SLC24A3: variants seen among roughly 807,000 people sequenced by gnomAD.
The protein encoded by SLC24A3 is solute carrier family 24 member 3.
In SLC24A3, 28 loss-of-function variants were observed where a neutral mutation model predicts 75.8. The observed-to-expected ratio is 0.37, with a 90% confidence interval of 0.27 to 0.51. The LOEUF is 0.51. SLC24A3 is among the 20% of genes least tolerant of loss of function. The pLI is 0.94. For missense variants in SLC24A3, 663 were observed against 847.8 expected (o/e 0.78, Z 2.71); for synonymous variants, 372 against 334.1 (o/e 1.11, Z -1.24).
intron 1 of SLC24A3, among the ~76,000 whole-genome samples, chr20:19,222,858 G>C (rs1227793011): frequency 9.8e-6 from 1 of 102,436 alleles, no homozygotes; most frequent in African/African-American, 3.7e-5. Context: ...TTTAACTACT[G>C]TACACATGAA....
chr20:19,364,888 A>ATCT (rs1408762912), intron 2 of SLC24A3, among the ~76,000 whole-genome samples: 1 of 152,166 alleles, frequency 6.6e-6, no homozygotes, highest in African/African-American at 2.4e-5. Flanking sequence ...CTACCAGAAA[A>ATCT]GTAGGCACGG....
chr20:19,437,002 C>A (rs899299301), intron 2 of SLC24A3, among the ~76,000 whole-genome samples: 3 of 152,118 alleles, frequency 2.0e-5, no homozygotes, highest in Admixed American at 2.0e-4. Flanking sequence ...AAAGACAGAA[C>A]GGATAAATGA....
chr20:19,400,801 G>C (rs1986538262), intron 2 of SLC24A3, among the ~76,000 whole-genome samples: 1 of 152,206 alleles, frequency 6.6e-6, no homozygotes, highest in Non-Finnish European at 1.5e-5. Flanking sequence ...TAGGGCTCAT[G>C]CCATTCATTT....
chr20:19,391,769 C>T (rs1600461256), intron 2 of SLC24A3, among the ~76,000 whole-genome samples: 1 of 152,272 alleles, frequency 6.6e-6, no homozygotes, highest in African/African-American at 2.4e-5. Context: ...TACACAGCCT[C>T]TATGTCTGGA....
In SLC24A3 at chr20:19,584,995, G is replaced by A; in HGVS notation, c.448G>A (p.Ala150Thr). The change falls in exon 5 of 17, where the codon GCT (alanine) becomes ACT (threonine). Residue 150 changes from alanine (A) to threonine (T), a missense_variant. Ala to Thr is a moderately conservative substitution (Grantham distance 58, BLOSUM62 0). Around this residue, in one of 2 missense-constraint regions of SLC24A3, gnomAD observed 510 missense variants for 703.6 expected, o/e 0.72. Transcript: ENST00000328041. ...CERLHLSEDV[A>T]GATFMAAGSS... ...GCGCCTGCACCTCAGTGAAGATGTG[G>A]CTGGGGCCACATTCATGGCAGCGGG... 1 of 1,613,890 alleles carries A rather than the reference G, an allele frequency of 6.2e-7. No homozygotes were observed. The highest frequency in any genetic ancestry group is 1.1e-5 in the South Asian group (1 of 91,072).
chr20:19,317,861 T>C (rs1984620167), intron 2 of SLC24A3, among the ~76,000 whole-genome samples: 1 of 152,212 alleles, frequency 6.6e-6, no homozygotes, highest in African/African-American at 2.4e-5. Context: ...ATAGCTGCAT[T>C]CTCTGGGTCT....
chr20:19,450,374 G>A (rs546705342), intron 2 of SLC24A3, among the ~76,000 whole-genome samples: 38 of 152,172 alleles, frequency 2.5e-4, no homozygotes, highest in Middle Eastern at 3.4e-3. Context: ...TCTCATTCTC[G>A]TTTCATCTCC....
intron 3 of SLC24A3, among the ~76,000 whole-genome samples, chr20:19,575,286 C>T (rs2031117166): frequency 6.8e-6 from 1 of 146,874 alleles, no homozygotes; most frequent in South Asian, 2.1e-4. Context: ...AAGGCAACAC[C>T]AGCTACTCCA....
intron 2 of SLC24A3, among the ~76,000 whole-genome samples, chr20:19,513,736 T>TTAAA (rs1555797242): frequency 1.4e-3 from 175 of 123,288 alleles, no homozygotes; most frequent in East Asian, 3.1e-3. Flanking sequence ...GCTTTTTTTT[T>TTAAA]AGAAAAAAAA....
At chr20:19,665,970 A>C (rs1428231896) in intron 8 of SLC24A3, 81 bp downstream of exon 8, 1 of 1,474,300 alleles carries the variant, frequency 6.8e-7, no homozygotes, top group African/African-American at 1.4e-5. Flanking sequence ...GTTGGGATTC[A>C]AGAAAGAAAG....
chr20:19,598,905 T>TACAC (rs113937880), intron 6 of SLC24A3, among the ~76,000 whole-genome samples: 3 of 149,464 alleles, frequency 2.0e-5, no homozygotes, highest in East Asian at 1.9e-4. Flanking sequence ...TATATGTATA[T>TACAC]ACACACACAC....
chr20:19,411,535 G>A (rs1273459087), intron 2 of SLC24A3, among the ~76,000 whole-genome samples: 1 of 152,190 alleles, frequency 6.6e-6, no homozygotes, highest in African/African-American at 2.4e-5. Context: ...CAGCAAGAAG[G>A]AAGTTGAATT....
At chr20:19,632,927 T>C (rs1164316342) in intron 6 of SLC24A3, among the ~76,000 whole-genome samples, 1 of 152,200 alleles carries the variant, frequency 6.6e-6, no homozygotes, top group Non-Finnish European at 1.5e-5. Flanking sequence ...TCACAGCGAG[T>C]TGTAAGCTCC....
chr20:19,252,289 G>A (rs998884212), intron 1 of SLC24A3, among the ~76,000 whole-genome samples: 2 of 152,204 alleles, frequency 1.3e-5, no homozygotes, highest in Non-Finnish European at 2.9e-5. Flanking sequence ...CTTGGAAATG[G>A]AGCCAGTCTT....
At chr20:19,377,507 G>A (rs1986104944) in intron 2 of SLC24A3, among the ~76,000 whole-genome samples, 1 of 152,200 alleles carries the variant, frequency 6.6e-6, no homozygotes, top group Non-Finnish European at 1.5e-5. Flanking sequence ...CTAAGCTATG[G>A]AGGTGGATGT....
At chr20:19,253,699 T>G (rs1982729793) in intron 1 of SLC24A3, among the ~76,000 whole-genome samples, 1 of 152,288 alleles carries the variant, frequency 6.6e-6, no homozygotes, top group East Asian at 1.9e-4. Context: ...GAGAACCTAT[T>G]GTGGGCCTAA....
chr20:19,359,666 A>C (rs1985751799), intron 2 of SLC24A3, among the ~76,000 whole-genome samples: 1 of 152,224 alleles, frequency 6.6e-6, no homozygotes, highest in Non-Finnish European at 1.5e-5. Flanking sequence ...TACAGATTGT[A>C]GGTGGTTACC....
At chr20:19,376,723 A>G (rs1053626615) in intron 2 of SLC24A3, among the ~76,000 whole-genome samples, 8 of 151,820 alleles carry the variant, frequency 5.3e-5, no homozygotes, top group Non-Finnish European at 1.0e-4. Context: ...CATTTGTCTG[A>G]GATAAAACTT....
In SLC24A3 at chr20:19,515,510, C is replaced by A. The variant is rs770584890; in HGVS notation, c.294C>A (p.Asp98Glu). The change falls in exon 3 of 17, where the codon GAC becomes GAA. Residue 98 changes from aspartate to glutamate, a missense_variant. Asp to Glu is a conservative substitution (Grantham distance 45). This residue lies in a region of SLC24A3 where 153 missense variants were observed against 144.2 expected (regional missense o/e 1.06). Transcript: ENST00000328041. ...TAGCCCTGCATGAATTCCCCAATGA[C>A]ATCTTCACAAACGAGGATAGAAGAC... ...TEPALHEFPN[D>E]IFTNEDRRQG... The A allele has an allele frequency of 6.2e-7, 1 of 1,614,216 alleles. No individual in the cohort carries two copies. The highest frequency in any genetic ancestry group is 1.1e-5 in the South Asian group (1 of 91,086).
Sources: gnomAD v4.1 joint callset for allele counts (sites outside exome capture counted in the v4.1 genomes callset) on GRCh38, gnomAD v4.1.1 for gene constraint, gnomAD v4.1.1 regional missense constraint, MANE v1.5 for transcripts, NCBI Gene and HGNC (gene_info 2026-07-23, HGNC 2026-07-21) for gene names.